Variants in AJAP1 observed in about 807,000 individuals in gnomAD.
AJAP1 encodes the protein adherens junctions associated protein 1, also known as adherens junction-associated protein 1.
Under a neutral mutation model 35.0 loss-of-function variants are expected in AJAP1, and 5 were observed. The ratio of observed to expected loss-of-function variants is 0.14; its 90% CI spans 0.07 to 0.30. The LOEUF (loss-of-function observed/expected upper bound fraction) is 0.30. AJAP1 is among the 10% of genes least tolerant of loss of function. The probability of loss-of-function intolerance (pLI) is 1.00; values close to 1 mark genes in which losing one functional copy is unlikely to be tolerated. For synonymous variants in AJAP1, 284 were observed against 249.3 expected (o/e 1.14, Z -1.31); for missense variants, 586 against 571.0 (o/e 1.03, Z -0.27).
chr1:4,729,706 C>T (rs1640755472), intron 2 of AJAP1, among the ~76,000 whole-genome samples: 1 of 147,364 alleles, frequency 6.8e-6, no homozygotes, highest in South Asian at 2.2e-4. Context: ...CTCATTTTAA[C>T]TTGATTACCT....
chr1:4,739,306 C>T (rs1368472871), intron 2 of AJAP1, among the ~76,000 whole-genome samples: 1 of 152,190 alleles, frequency 6.6e-6, no homozygotes, highest in African/African-American at 2.4e-5. Context: ...TATCGGCAGG[C>T]TTTGGGGTCT....
chr1:4,655,388 C>T lies in AJAP1; in HGVS notation c.-38C>T, dbSNP rs1224418728. On this transcript the variant is annotated 5_prime_UTR_variant, in exon 1 of 6. Transcript: ENST00000378191. The surrounding 1 kb of genome is among the most constrained non-coding windows in gnomAD (Gnocchi z 6.9). ...GCGGGCGCCGCGCAGATGGCCTGGGCGAGCCAGGTCTGAGGCCCCGCTCCC... is the reference window on the plus strand; with the variant it reads ...GCGGGCGCCGCGCAGATGGCCTGGGTGAGCCAGGTCTGAGGCCCCGCTCCC... 2.0e-6 allele frequency: 3 copies of T among 1,534,152 alleles called. No individual in the cohort carries two copies. Among genetic ancestry groups the T allele is most frequent in the Non-Finnish European group, 2.6e-6 (3 of 1,139,024 alleles).
intron 1 of AJAP1, among the ~76,000 whole-genome samples, chr1:4,691,113 G>A (rs747269320): frequency 1.8e-4 from 28 of 152,190 alleles, no homozygotes; most frequent in Non-Finnish European, 3.2e-4. Flanking sequence ...ACTCATGGCC[G>A]TGAGCTCACT....
intron 2 of AJAP1, among the ~76,000 whole-genome samples, chr1:4,718,253 T>C (rs1227030740): frequency 6.6e-6 from 1 of 152,152 alleles, no homozygotes; most frequent in African/African-American, 2.4e-5. Context: ...ACCAAATGGA[T>C]AAGTGTGCTC....
rs557355185 is a variant in AJAP1, at chr1:4,789,043, C to T, written c.*6558C>T. The T allele has an allele frequency of 2.3e-4, 35 of 152,252 alleles. No homozygotes were observed. Among genetic ancestry groups the T allele is most frequent in the African/African-American group, 7.7e-4 (32 of 41,534 alleles). 9.4% of individuals were successfully genotyped at this position (152,252 alleles called of 1,614,324 possible). A position where few individuals can be genotyped will look rare whatever the true frequency, so the allele number is the denominator to read the frequency against. On this transcript the variant is annotated 3_prime_UTR_variant, in exon 6 of 6. Transcript: ENST00000378191. This position sits in a 1 kb window ranked among gnomAD's most constrained non-coding sequence, Gnocchi z 4.4. ...GCTAAATGTTCTAAGAGTTACTGTA[C>T]ATAGAATCAAGAGAGCAGTTTTGAA...
At chr1:4,718,979 C>T (rs1043592448) in intron 2 of AJAP1, among the ~76,000 whole-genome samples, 2 of 152,132 alleles carry the variant, frequency 1.3e-5, no homozygotes, top group East Asian at 1.9e-4. Flanking sequence ...GGGTAGCCGG[C>T]GGCTGCACGA....
intron 1 of AJAP1, among the ~76,000 whole-genome samples, chr1:4,696,793 G>A (rs140040882): frequency 6.6e-6 from 1 of 152,146 alleles, no homozygotes; most frequent in Non-Finnish European, 1.5e-5. Context: ...CTGTGTGCAT[G>A]TGTGTCTCTG....
intron 1 of AJAP1, among the ~76,000 whole-genome samples, chr1:4,698,923 G>A (rs1471887199): frequency 6.6e-6 from 1 of 152,200 alleles, no homozygotes; most frequent in Non-Finnish European, 1.5e-5. Context: ...CTTGGGCAGG[G>A]TTGCAGGCAG....
chr1:4,694,915 C>T (rs1035924958), intron 1 of AJAP1, among the ~76,000 whole-genome samples: 2 of 152,088 alleles, frequency 1.3e-5, no homozygotes, highest in African/African-American at 4.8e-5. Context: ...TGGACGGACA[C>T]TGGATTATGG....
rs1003417402 is a variant in AJAP1, at chr1:4,712,756, A to T, written c.829+57A>T. 19 of 1,464,770 alleles carry T rather than the reference A, an allele frequency of 1.3e-5. No individual in the cohort carries two copies. The Middle Eastern group carries it at 6.1e-4, about 47-fold the overall frequency. The allele number at this position is 1,464,770 out of a possible 1,614,324, so 90.7% of individuals were successfully genotyped here. A position where few individuals can be genotyped will look rare whatever the true frequency, so the allele number is the denominator to read the frequency against. On this transcript the variant is annotated intron_variant, in intron 2 of 5. Coordinates refer to ENST00000378191, the MANE Select transcript of AJAP1 (RefSeq NM_018836.4). The stretch of plus-strand genomic sequence containing the variant: ...CTTGGGGTTGAGGGCTGGGAGCGTG[A>T]CTCGGGAGAGATGCTTAGATGTCCC...
chr1:4,666,330 A>G (rs751214624), intron 1 of AJAP1, among the ~76,000 whole-genome samples: 2 of 152,110 alleles, frequency 1.3e-5, no homozygotes, highest in Non-Finnish European at 2.9e-5. Context: ...AGGAAGGTGT[A>G]TGTTGCGGGG....
chr1:4,712,815 G>A, intron 2 of AJAP1, 116 bp downstream of exon 2: 2 of 1,145,534 alleles, frequency 1.7e-6, no homozygotes, highest in African/African-American at 1.5e-5. Context: ...TCCAGGAGAT[G>A]CAGGCGTGAT....
At chr1:4,740,397 T>TGGGGGAGGGGGAGGGGGAGGGAGTG (rs1553159528) in intron 2 of AJAP1, among the ~76,000 whole-genome samples, 12 of 142,896 alleles carry the variant, frequency 8.4e-5, no homozygotes, top group Admixed American at 1.4e-4. Context: ...GGGGACAGAG[T>TGGGGGAGGGGGAGGGGGAGGGAGTG]TTCAGTTTTG....
chr1:4,737,318 C>T (rs761678332), intron 2 of AJAP1, among the ~76,000 whole-genome samples: 14 of 152,142 alleles, frequency 9.2e-5, no homozygotes, highest in Non-Finnish European at 1.8e-4. Flanking sequence ...GACAAGCCCC[C>T]GTCACCACCC....
chr1:4,769,807 G>T (rs1323075496), intron 2 of AJAP1, 46 bp from the exon 3 acceptor site: 1 of 1,550,176 alleles, frequency 6.5e-7, no homozygotes, highest in African/African-American at 1.4e-5. Context: ...CTCGCCTCCT[G>T]AACCTGGTTT....
rs1328779148 is a variant in AJAP1 at position 4,788,661 on chromosome 1, T to TG, written c.*6177dup. ...ACAGCCAGCCCGGTGCAGAAGCACTTGAACTTCTCATCTTCCATCTTATTT... is the reference window on the plus strand; with the variant it reads ...ACAGCCAGCCCGGTGCAGAAGCACTTGGAACTTCTCATCTTCCATCTTATTT... On this transcript the variant is annotated 3_prime_UTR_variant, in exon 6 of 6. Coordinates refer to ENST00000378191, the MANE Select transcript of AJAP1 (RefSeq NM_018836.4). 1 of 152,348 alleles carries TG rather than the reference T, an allele frequency of 6.6e-6. No homozygotes were observed. Among genetic ancestry groups the TG allele is most frequent in the Admixed American group, 6.5e-5 (1 of 15,288 alleles). 9.4% of individuals were successfully genotyped at this position (152,348 alleles called of 1,614,324 possible). A position where few individuals can be genotyped will look rare whatever the true frequency, so the allele number is the denominator to read the frequency against.
chr1:4,671,053 G>A (rs1639237108), intron 1 of AJAP1, among the ~76,000 whole-genome samples: 1 of 152,142 alleles, frequency 6.6e-6, no homozygotes, highest in Non-Finnish European at 1.5e-5. Context: ...ATTGTAATAG[G>A]CGCATGTGTT....
chr1:4,697,891 G>A (rs574541625), intron 1 of AJAP1, among the ~76,000 whole-genome samples: 45 of 152,366 alleles, frequency 3.0e-4, no homozygotes, highest in African/African-American at 9.4e-4. Context: ...TCCAGTGGCC[G>A]GAGGAGAAGC....
intron 3 of AJAP1, among the ~76,000 whole-genome samples, chr1:4,770,404 T>C (rs1477819996): frequency 6.6e-6 from 1 of 152,196 alleles, no homozygotes; most frequent in East Asian, 1.9e-4. Context: ...AAAGCCACTC[T>C]GTGTGCTGAA....
Sources: gnomAD v4.1 joint callset for allele counts (sites outside exome capture counted in the v4.1 genomes callset) on GRCh38, gnomAD v4.1.1 for gene constraint, Gnocchi (gnomAD v3.1) non-coding constraint, MANE v1.5 for transcripts, NCBI Gene and HGNC (gene_info 2026-07-23, HGNC 2026-07-21) for gene names.